WDR41: variants seen among roughly 807,000 people sequenced by gnomAD.
WDR41 encodes WD repeat-containing protein 41.
WDR41 carries 63 observed loss-of-function variants against 69.3 expected under a neutral mutation model. The ratio of observed to expected loss-of-function variants is 0.91; its 90% CI spans 0.74 to 1.12. WDR41 has a LOEUF of 1.12. WDR41 is among the 50% of genes most tolerant of loss of function. The pLI is 0.00. For missense variants in WDR41, 543 were observed against 534.5 expected (o/e 1.02, Z -0.16); for synonymous variants, 185 against 192.1 (o/e 0.96, Z 0.31).
At position 77,440,798 on chromosome 5, in the gene WDR41, GTA is replaced by G. The variant is rs747217153; in HGVS notation, c.882+13_882+14del. On this transcript the variant is annotated intron_variant, in intron 9 of 12. Coordinates refer to ENST00000296679, the MANE Select transcript of WDR41 (RefSeq NM_018268.4). ...TGTCAAAGGCAAGTTTATAGATAGT[GTA>G]TACATTTTTTACCTCTTCATCACAT... 6.2e-7 allele frequency: 1 copy of G among 1,612,632 alleles called. No individual in the cohort carries two copies. Among genetic ancestry groups the G allele is most frequent in the Non-Finnish European group, 8.5e-7 (1 of 1,178,916 alleles).
chr5:77,611,635 C>A (rs1410251875), intron 1 of WDR41, among the ~76,000 whole-genome samples: 1 of 152,246 alleles, frequency 6.6e-6, no homozygotes, highest in African/African-American at 2.4e-5. Flanking sequence ...GGGACACATT[C>A]AAAGCAGTGT....
chr5:77,586,618 A>AT (rs944712866), intron 1 of WDR41, among the ~76,000 whole-genome samples: 11 of 150,342 alleles, frequency 7.3e-5, no homozygotes, highest in Non-Finnish European at 1.0e-4. Context: ...CAAAATAGCT[A>AT]TTTTTTTAAA....
chr5:77,509,186 T>A (rs1273997292), intron 1 of WDR41, among the ~76,000 whole-genome samples: 1 of 152,170 alleles, frequency 6.6e-6, no homozygotes, highest in Non-Finnish European at 1.5e-5. Context: ...TTAGTTTAAT[T>A]TTATTGCTGG....
intron 1 of WDR41, among the ~76,000 whole-genome samples, chr5:77,596,133 AT>A (rs1744223277): frequency 6.6e-6 from 1 of 152,152 alleles, no homozygotes; most frequent in African/African-American, 2.4e-5. Context: ...ATAATATAAC[AT>A]TTAATCCTGA....
chr5:77,490,112 G>A (rs1348056800), intron 1 of WDR41, among the ~76,000 whole-genome samples: 1 of 85,872 alleles, frequency 1.2e-5, no homozygotes, highest in Non-Finnish European at 2.0e-5. Context: ...TTTTTTTTTC[G>A]CACCACACGC....
intron 1 of WDR41, among the ~76,000 whole-genome samples, chr5:77,583,719 T>C (rs1034198782): frequency 1.3e-5 from 2 of 151,962 alleles, no homozygotes; most frequent in Admixed American, 1.3e-4. Flanking sequence ...TTCCAAAAAA[T>C]AGCAAATGGG....
chr5:77,512,426 G>A (rs533236781), intron 1 of WDR41, among the ~76,000 whole-genome samples: 95 of 151,512 alleles, frequency 6.3e-4, no homozygotes, highest in African/African-American at 2.2e-3. Flanking sequence ...CAGGAAGAGA[G>A]GGTGAGAAAT....
Position 77,609,491 on chromosome 5 carries a change from C to T in WDR41, c.42+10988G>A, listed in dbSNP as rs967603383. 2.6e-5 allele frequency among the ~76,000 whole-genome samples: 4 copies of T among 152,324 alleles called. No homozygotes were observed. In the East Asian group the frequency reaches 7.7e-4, roughly 29 times the overall value. On this transcript the variant is annotated intron_variant, in intron 1 of 5. Coordinates refer to the WDR41 transcript ENST00000509971. ...AGGAACGACTGGACAGCAGCATTCA[C>T]AGTTCACGAAAATCCGCTGTTCTGC...
At chr5:77,456,046 T>C (rs758745363) in intron 5 of WDR41, among the ~76,000 whole-genome samples, 33 of 151,906 alleles carry the variant, frequency 2.2e-4, no homozygotes, top group South Asian at 4.1e-4. Context: ...TGTAGATCAA[T>C]GTGGGTAGTG....
intron 2 of WDR41, among the ~76,000 whole-genome samples, chr5:77,488,187 G>A (rs199539513): frequency 6.6e-6 from 1 of 152,190 alleles, no homozygotes; most frequent in Non-Finnish European, 1.5e-5. Context: ...TGCAGCTAGT[G>A]TCTCCAGTGA....
At chr5:77,435,458 A>G (rs570680100) in intron 12 of WDR41, among the ~76,000 whole-genome samples, 93 of 152,306 alleles carry the variant, frequency 6.1e-4, no homozygotes, top group African/African-American at 2.1e-3. Context: ...CTCTCTCTGT[A>G]AACTCCAGCA....
intron 1 of WDR41, among the ~76,000 whole-genome samples, chr5:77,490,825 T>A (rs1406763757): frequency 6.6e-6 from 1 of 152,122 alleles, no homozygotes; most frequent in Non-Finnish European, 1.5e-5. Context: ...TAATCCACAA[T>A]CTCAAGGATT....
At chr5:77,544,053 A>C (rs1219426358) in intron 1 of WDR41, among the ~76,000 whole-genome samples, 1 of 152,130 alleles carries the variant, frequency 6.6e-6, no homozygotes, top group Non-Finnish European at 1.5e-5. Context: ...GGTGAAATTA[A>C]GCTTCATAAG....
At chr5:77,478,300 AG>A (rs1321914891) in intron 2 of WDR41, among the ~76,000 whole-genome samples, 1 of 152,224 alleles carries the variant, frequency 6.6e-6, no homozygotes, top group Non-Finnish European at 1.5e-5. Context: ...ATAGTAAAAG[AG>A]GGAATCCTCC....
intron 1 of WDR41, among the ~76,000 whole-genome samples, chr5:77,611,862 T>C (rs2112342198): frequency 6.6e-6 from 1 of 152,110 alleles, no homozygotes; most frequent in South Asian, 2.1e-4. Context: ...AGCTGGTTTT[T>C]TGAAAGGATC....
intron 1 of WDR41, among the ~76,000 whole-genome samples, chr5:77,508,564 C>T (rs1802149511): frequency 6.6e-6 from 1 of 152,154 alleles, no homozygotes; most frequent in Non-Finnish European, 1.5e-5. Context: ...AATCCAAGAT[C>T]TGGACCCTCT....
intron 1 of WDR41, among the ~76,000 whole-genome samples, chr5:77,565,757 T>G (rs1743614505): frequency 4.6e-5 from 7 of 152,120 alleles, no homozygotes; most frequent in Admixed American, 4.6e-4. Context: ...TGCCTCCTAT[T>G]GTGATTTAAG....
intron 1 of WDR41, among the ~76,000 whole-genome samples, chr5:77,594,595 C>T (rs1405773393): frequency 6.6e-6 from 1 of 152,082 alleles, no homozygotes; most frequent in South Asian, 2.1e-4. Context: ...TCTATGACAC[C>T]AGTAACCATT....
intron 6 of WDR41, 143 bp from the exon 7 acceptor site, chr5:77,451,496 G>T: frequency 3.1e-6 from 2 of 653,504 alleles, no homozygotes; most frequent in Non-Finnish European, 2.6e-6. Flanking sequence ...TTCCTTGCTT[G>T]CTTACTAATG....
Sources: allele counts gnomAD v4.1 joint callset (sites outside exome capture counted in the v4.1 genomes callset), GRCh38; gene constraint gnomAD v4.1.1; transcripts MANE v1.5; gene names NCBI Gene and HGNC (gene_info 2026-07-23, HGNC 2026-07-21).